ZNF296: variants seen among roughly 807,000 people sequenced by gnomAD.
ZNF296 encodes the protein zinc finger protein 342.
Under a neutral mutation model 13.2 loss-of-function variants are expected in ZNF296, and 1 was observed. The ratio of observed to expected loss-of-function variants is 0.08; its 90% CI spans 0.03 to 0.36. The LOEUF is 0.36. ZNF296 is among the 10% of genes least tolerant of loss of function. The probability of loss-of-function intolerance (pLI) is 0.99; values close to 1 mark genes in which losing one functional copy is unlikely to be tolerated. For missense variants in ZNF296, 555 were observed against 688.2 expected (o/e 0.81, Z 2.16); for synonymous variants, 303 against 289.0 (o/e 1.05, Z -0.49).
intron 2 of ZNF296, 46 bp from the exon 3 acceptor site, chr19:45,072,626 T>TGGAC (rs752839592): frequency 6.5e-7 from 1 of 1,538,932 alleles, no homozygotes; most frequent in South Asian, 1.3e-5. Context: ...AGCTGCCAGC[T>TGGAC]GGACACCTTC....
rs1222514229 is a variant in ZNF296, at chr19:45,072,124, G to A, written c.905C>T (p.Ala302Val). The A allele has an allele frequency of 1.9e-6, 3 of 1,606,758 alleles. No individual in the cohort carries two copies. Among genetic ancestry groups the A allele is most frequent in the African/African-American group, 1.3e-5 (1 of 74,690 alleles). ...ADTSQEQASA[A>V]PPEPAVHAAA... ...AGCATGGACAGCCGGCTCCGGAGGG[G>A]CTGCAGAGGCCTGCTCCTGGCTGGT... The change falls in exon 3 of 3, where the codon GCC becomes GTC. Residue 302 changes from alanine to valine, a missense_variant. Transcript: ENST00000303809.
intron 2 of ZNF296, among the ~76,000 whole-genome samples, chr19:45,073,783 G>A (rs1041697672): frequency 1.3e-5 from 2 of 151,596 alleles, no homozygotes; most frequent in Non-Finnish European, 2.9e-5. Context: ...CAGCACTTTG[G>A]GAGGCTGAGG....
intron 2 of ZNF296, 56 bp downstream of exon 2, chr19:45,075,657 C>T: frequency 6.3e-7 from 1 of 1,596,232 alleles, no homozygotes; most frequent in Non-Finnish European, 8.6e-7. Context: ...AGCCCCTTTC[C>T]AGCAGGAAGC....
Position 45,076,058 on chromosome 19 carries a change from AGGGCCCG to A in ZNF296, c.298+11_298+17del. 1 of 1,577,820 alleles carries A rather than the reference AGGGCCCG, an allele frequency of 6.3e-7. No individual in the cohort carries two copies. The highest frequency in any genetic ancestry group is 8.6e-7 in the Non-Finnish European group (1 of 1,167,644). ...GTCAAAGGTAAGGGAGGCTGGGCCC[AGGGCCCG>A]GGGTGCTCACCGGGATAGTTCGGGG... On this transcript the variant is annotated intron_variant, in intron 1 of 2. Transcript: ENST00000303809. The surrounding 1 kb of genome is among the most constrained non-coding windows in gnomAD (Gnocchi z 4.9).
intron 2 of ZNF296, 46 bp downstream of exon 2, chr19:45,075,667 C>A (rs747547317): frequency 1.2e-6 from 2 of 1,602,256 alleles, no homozygotes; most frequent in Admixed American, 3.4e-5. Flanking sequence ...CAGCAGGAAG[C>A]CCAGCCCTCG....
intron 2 of ZNF296, among the ~76,000 whole-genome samples, chr19:45,074,514 A>G (rs1568426423): frequency 1.3e-5 from 2 of 152,192 alleles, no homozygotes; most frequent in African/African-American, 2.4e-5. Flanking sequence ...CTCAGTGGAC[A>G]CTTCCTAGGT....
chr19:45,072,439 A>C lies in ZNF296; in HGVS notation c.590T>G (p.Leu197Arg). ...GGCTGCAGCCACCTCGGCCAGGCCCAGGAGCGGGGCCTCCGGGGCCTCTGA... is the reference window on the plus strand; with the variant it reads ...GGCTGCAGCCACCTCGGCCAGGCCCCGGAGCGGGGCCTCCGGGGCCTCTGA... ...TESEAPEAPLLGLAEVAAAVS... is the reference protein window; with the variant it reads ...TESEAPEAPLRGLAEVAAAVS... Residue 197 changes from leucine (L) to arginine (R), a missense_variant, in exon 3 of 3, where the codon CTG becomes CGG. Coordinates refer to ENST00000303809, the MANE Select transcript of ZNF296 (RefSeq NM_145288.3). The C allele has an allele frequency of 6.2e-7, 1 of 1,612,852 alleles. No homozygotes were observed. Among genetic ancestry groups the C allele is most frequent in the Non-Finnish European group, 8.5e-7 (1 of 1,179,824 alleles).
At position 45,071,546 on chromosome 19, in the gene ZNF296, A is replaced by T; in HGVS notation, c.*55T>A. The T allele has an allele frequency of 1.3e-6, 2 of 1,492,276 alleles. No individual in the cohort carries two copies. Among genetic ancestry groups the T allele is most frequent in the Non-Finnish European group, 1.8e-6 (2 of 1,129,832 alleles). 92.4% of individuals were successfully genotyped at this position (1,492,276 alleles called of 1,614,324 possible). A position where few individuals can be genotyped will look rare whatever the true frequency, so the allele number is the denominator to read the frequency against. Reference sequence around the variant, plus strand: ...TTGGAGAAGGCGGGCAAAAACGAGGAGGTCAATGGGTGTTGGCAGCGGTAC... The same window carrying T: ...TTGGAGAAGGCGGGCAAAAACGAGGTGGTCAATGGGTGTTGGCAGCGGTAC... On this transcript the variant is annotated 3_prime_UTR_variant, in exon 3 of 3. Coordinates refer to ENST00000303809, the MANE Select transcript of ZNF296 (RefSeq NM_145288.3).
Position 45,071,612 on chromosome 19 carries a change from C to T in ZNF296, c.1417G>A (p.Gly473Ser), listed in dbSNP as rs750899967. Residue 473 changes from glycine to serine, a missense_variant, in exon 3 of 3, where the codon GGC becomes AGC. Physicochemically the swap from Gly to Ser is moderately conservative, Grantham distance 56 (BLOSUM62 0). Around this residue, in one of 3 missense-constraint regions of ZNF296, gnomAD observed 410 missense variants for 548.0 expected, o/e 0.75. Transcript: ENST00000303809. ...HLRQKHPEAA[G>S]EA ...GGGCTTTCCTGGGCTCAGGCCTCGC[C>T]GGCCGCCTCAGGGTGCTTCTGCCGC... is the stretch of plus-strand genomic sequence containing the variant. 1.1e-5 allele frequency: 17 copies of T among 1,516,052 alleles called. No homozygotes were observed. Among genetic ancestry groups the T allele is most frequent in the African/African-American group, 1.1e-4 (8 of 71,934 alleles). 93.9% of individuals were successfully genotyped at this position (1,516,052 alleles called of 1,614,324 possible). A position where few individuals can be genotyped will look rare whatever the true frequency, so the allele number is the denominator to read the frequency against.
rs1483117204 is a variant in ZNF296, at chr19:45,076,156, A to G, written c.218T>C (p.Met73Thr). 1 of 1,545,198 alleles carries G rather than the reference A, an allele frequency of 6.5e-7. No individual in the cohort carries two copies. The highest frequency in any genetic ancestry group is 1.2e-5 in the South Asian group (1 of 81,484). ...GGEPHHSPGPMPAGAALLALG... is the reference protein window; with the variant it reads ...GGEPHHSPGPTPAGAALLALG... ...GGCGAGGAGGGCGGCCCCGGCGGGC[A>G]TGGGGCCAGGGGAGTGGTGGGGTTC... Residue 73 changes from methionine (M) to threonine (T), a missense_variant, in exon 1 of 3, where the codon ATG becomes ACG. Coordinates refer to ENST00000303809, the MANE Select transcript of ZNF296 (RefSeq NM_145288.3). This position sits in a 1 kb window ranked among gnomAD's most constrained non-coding sequence, Gnocchi z 4.9.
In ZNF296 at chr19:45,072,683, G is replaced by GAC. The variant is rs1967279134; in HGVS notation, c.449-105_449-104dup. On this transcript the variant is annotated intron_variant, in intron 2 of 2. Coordinates refer to ENST00000303809, the MANE Select transcript of ZNF296 (RefSeq NM_145288.3). ...GGGGCAAAGGACTTGGCAGTAACAA[G>GAC]ACACACACACCCTGGAAGGACCAGG... The GAC allele has an allele frequency of 2.2e-6, 3 of 1,385,216 alleles. No homozygotes were observed. In the South Asian group the frequency reaches 4.3e-5, roughly 20 times the overall value. 85.8% of individuals were successfully genotyped at this position (1,385,216 alleles called of 1,614,324 possible). A position where few individuals can be genotyped will look rare whatever the true frequency, so the allele number is the denominator to read the frequency against.
intron 1 of ZNF296, 61 bp from the exon 2 acceptor site, chr19:45,075,923 G>T (rs1285645611): frequency 1.2e-5 from 19 of 1,602,342 alleles, no homozygotes; most frequent in East Asian, 2.2e-5. Context: ...TGAGGGTGCT[G>T]AAGGAGAGGG....
In ZNF296 at chr19:45,072,098, C is replaced by G. The variant is rs770095621; in HGVS notation, c.931G>C (p.Ala311Pro). 1 of 1,610,410 alleles carries G rather than the reference C, an allele frequency of 6.2e-7. No individual in the cohort carries two copies. Among genetic ancestry groups the G allele is most frequent in the Non-Finnish European group, 8.5e-7 (1 of 1,178,496 alleles). ...AAPPEPAVHA[A>P]APTSTLPCSG... ...CATGGAAGGGTGCTGGTGGGGGCAG[C>G]AGCATGGACAGCCGGCTCCGGAGGG... Residue 311 changes from alanine (A) to proline (P), a missense_variant, in exon 3 of 3, where the codon GCT (alanine) becomes CCT (proline). Coordinates refer to ENST00000303809, the MANE Select transcript of ZNF296 (RefSeq NM_145288.3).
rs138799607 is a variant in ZNF296 at position 45,072,488 on chromosome 19, C to T, written c.541G>A (p.Gly181Arg). 6.8e-6 allele frequency: 11 copies of T among 1,613,596 alleles called. No individual in the cohort carries two copies. The highest frequency in any genetic ancestry group is 1.1e-5 in the South Asian group (1 of 91,080). Residue 181 changes from glycine (G) to arginine (R), a missense_variant, in exon 3 of 3, where the codon GGA (glycine) becomes AGA (arginine). By Grantham distance (125) the Gly-to-Arg change is moderately radical. This residue lies in a region of ZNF296 where 410 missense variants were observed against 548.0 expected (regional missense o/e 0.75). Transcript: ENST00000303809. Reference protein sequence around the residue: ...KLLRHAQWDHGLSIYQTESEA... With the variant: ...KLLRHAQWDHRLSIYQTESEA... ...GATTCTGTCTGGTAGATGGACAGTC[C>T]GTGGTCCCACTGGGCGTGACGCAGC...
chr19:45,076,288 T>C lies in ZNF296; in HGVS notation c.86A>G (p.Asp29Gly). Reference sequence around the variant, plus strand: ...CTCGGGCTTGAGTTCGATGACGAGGTCCTGCATTTCCATCTCGTCGTCTGG... The same window carrying C: ...CTCGGGCTTGAGTTCGATGACGAGGCCCTGCATTTCCATCTCGTCGTCTGG... ...ANPDDEMEMQ[D>G]LVIELKPEPD... is the part of the protein sequence containing the mutation. Residue 29 changes from aspartate to glycine, a missense_variant, in exon 1 of 3, where the codon GAC becomes GGC. Coordinates refer to ENST00000303809, the MANE Select transcript of ZNF296 (RefSeq NM_145288.3). The surrounding 1 kb of genome is among the most constrained non-coding windows in gnomAD (Gnocchi z 4.9). 1 of 1,460,352 alleles carries C rather than the reference T, an allele frequency of 6.8e-7. No individual in the cohort carries two copies. Among genetic ancestry groups the C allele is most frequent in the Non-Finnish European group, 9.0e-7 (1 of 1,105,390 alleles). 90.5% of individuals were successfully genotyped at this position (1,460,352 alleles called of 1,614,324 possible).
In ZNF296 at chr19:45,076,152, G is replaced by T; in HGVS notation, c.222C>A (p.Pro74=). The T allele has an allele frequency of 1.3e-6, 2 of 1,545,994 alleles. No homozygotes were observed. Among genetic ancestry groups the T allele is most frequent in the Non-Finnish European group, 1.7e-6 (2 of 1,151,448 alleles). ...CGAGGGCGAGGAGGGCGGCCCCGGC[G>T]GGCATGGGGCCAGGGGAGTGGTGGG... ...GEPHHSPGPM[P]AGAALLALGP... is the part of the protein sequence containing the mutation. The change falls in exon 1 of 3, where the codon CCC becomes CCA. Residue 74 remains proline, a synonymous_variant. Transcript: ENST00000303809. The surrounding 1 kb of genome is among the most constrained non-coding windows in gnomAD (Gnocchi z 4.9).
chr19:45,073,501 C>G (rs1401144305), intron 2 of ZNF296, among the ~76,000 whole-genome samples: 1 of 150,448 alleles, frequency 6.6e-6, no homozygotes, highest in Non-Finnish European at 1.5e-5. Context: ...CACCACGCCA[C>G]AGGGTTTCAC....
At chr19:45,074,788 A>G (rs1967313922) in intron 2 of ZNF296, among the ~76,000 whole-genome samples, 1 of 152,190 alleles carries the variant, frequency 6.6e-6, no homozygotes, top group Non-Finnish European at 1.5e-5. Context: ...GCGCTCAAAC[A>G]GCAGAGCCTG....
chr19:45,074,811 G>T (rs1276107613), intron 2 of ZNF296, among the ~76,000 whole-genome samples: 1 of 152,146 alleles, frequency 6.6e-6, no homozygotes, highest in African/African-American at 2.4e-5. Flanking sequence ...AAACCAAGGT[G>T]CCCATGATTC....
Sources: allele counts gnomAD v4.1 joint callset (sites outside exome capture counted in the v4.1 genomes callset), GRCh38; gene constraint gnomAD v4.1.1; regional missense constraint gnomAD v4.1.1; non-coding constraint Gnocchi (gnomAD v3.1); transcripts MANE v1.5; gene names NCBI Gene and HGNC (gene_info 2026-07-23, HGNC 2026-07-21).